The following MEGF10 variants were observed in gnomAD, a reference collection of about 807,000 sequenced individuals.
MEGF10 encodes the protein multiple EGF like domains 10.
Under a neutral mutation model 147.5 loss-of-function variants are expected in MEGF10, and 86 were observed. The ratio of observed to expected loss-of-function variants is 0.58; its 90% CI spans 0.49 to 0.70. The LOEUF (loss-of-function observed/expected upper bound fraction) is 0.70, where lower values mean the gene tolerates loss of function less well. Ranked by LOEUF, MEGF10 falls within the 30% of genes least tolerant of loss-of-function variation. The pLI is 0.00. For synonymous variants in MEGF10, 478 were observed against 525.5 expected (o/e 0.91, Z 1.24); for missense variants, 1,329 against 1,487.3 (o/e 0.89, Z 1.75).
chr5:127,380,953 C>T (rs1763234716), intron 5 of MEGF10, among the ~76,000 whole-genome samples: 1 of 152,094 alleles, frequency 6.6e-6, no homozygotes, highest in South Asian at 2.1e-4. Flanking sequence ...TCTCGGAGTT[C>T]TTCACCCTCA....
chr5:127,413,601 A>T (rs1580838060), intron 9 of MEGF10, among the ~76,000 whole-genome samples: 1 of 152,240 alleles, frequency 6.6e-6, no homozygotes, highest in Non-Finnish European at 1.5e-5. Flanking sequence ...CCATATGTGT[A>T]TAATCCTATT....
chr5:127,383,444 G>A (rs375761480), intron 5 of MEGF10, among the ~76,000 whole-genome samples: 19 of 151,836 alleles, frequency 1.3e-4, no homozygotes, highest in South Asian at 6.2e-4. Context: ...CTCCAGCCTC[G>A]GAGACAGAGT....
chr5:127,323,221 C>T (rs142022418), intron 1 of MEGF10, among the ~76,000 whole-genome samples: 383 of 152,240 alleles, frequency 2.5e-3, no homozygotes, highest in African/African-American at 8.8e-3. Context: ...ACCCAGTGAA[C>T]AGTCTGAAAT....
At chr5:127,368,746 G>A (rs1349344958) in intron 4 of MEGF10, among the ~76,000 whole-genome samples, 7 of 152,036 alleles carry the variant, frequency 4.6e-5, no homozygotes, top group Non-Finnish European at 7.4e-5. Flanking sequence ...GTGAGTGTGT[G>A]CACACGTGTG....
intron 1 of MEGF10, among the ~76,000 whole-genome samples, chr5:127,318,076 G>T (rs1363570999): frequency 6.6e-6 from 1 of 152,124 alleles, no homozygotes; most frequent in Admixed American, 6.6e-5. Flanking sequence ...TCAGTAATGG[G>T]ATCAGTAAAT....
intron 1 of MEGF10, among the ~76,000 whole-genome samples, chr5:127,318,696 C>T (rs1760666703): frequency 6.6e-6 from 1 of 152,074 alleles, no homozygotes; most frequent in Non-Finnish European, 1.5e-5. Context: ...AAAACACTGC[C>T]AATAAGCAGA....
At chr5:127,403,011 A>AGTC (rs1325897028) in intron 8 of MEGF10, among the ~76,000 whole-genome samples, 1 of 152,230 alleles carries the variant, frequency 6.6e-6, no homozygotes, top group Admixed American at 6.5e-5. Flanking sequence ...ACTTGGTGAT[A>AGTC]GATTTATTTT....
rs17165041 is a variant in MEGF10, at chr5:127,340,862, A to G, written c.319+232A>G. Among the ~76,000 whole-genome samples the G allele has an allele frequency of 0.084, 12,792 of 152,228 alleles. 642 individuals are homozygous for G. The highest frequency in any genetic ancestry group is 0.14 in the African/African-American group (5,859 of 41,526). ...TGCTTAAGGTGAAAACAGCTGTTAC[A>G]GAAAGATGATTCAAGGCCGGATGTG... is the stretch of plus-strand genomic sequence containing the variant. On this transcript the variant is annotated intron_variant, in intron 4 of 24. Transcript: ENST00000503335.
chr5:127,311,236 T>C (rs1220305445), intron 1 of MEGF10, among the ~76,000 whole-genome samples: 1 of 152,176 alleles, frequency 6.6e-6, no homozygotes, highest in African/African-American at 2.4e-5. Context: ...TGACTACACA[T>C]CCAAACACTA....
At chr5:127,361,591 T>C (rs1158990093) in intron 4 of MEGF10, among the ~76,000 whole-genome samples, 1 of 152,122 alleles carries the variant, frequency 6.6e-6, no homozygotes, top group African/African-American at 2.4e-5. Context: ...GATCTTTGTT[T>C]TCTAGTTTCT....
rs375982019 is a variant in MEGF10 at position 127,449,215 on chromosome 5, C to T, written c.2973C>T (p.Asn991=). Reference sequence around the variant, plus strand: ...ACTGGAAACATGGCGGCTACCTCAACGAGCTCGGTGAGTTCTCCCAACGCA... The same window carrying T: ...ACTGGAAACATGGCGGCTACCTCAATGAGCTCGGTGAGTTCTCCCAACGCA... ...PADWKHGGYL[N]ELGAFGLDRS... is the part of the protein sequence containing the mutation. The change falls in exon 22 of 25, where the codon AAC becomes AAT. Residue 991 remains asparagine (N), a synonymous_variant. Coordinates refer to ENST00000503335, the MANE Select transcript of MEGF10 (RefSeq NM_001256545.2). The T allele has an allele frequency of 6.2e-6, 10 of 1,613,196 alleles. No homozygotes were observed. Among genetic ancestry groups the T allele is most frequent in the Admixed American group, 1.7e-5 (1 of 59,952 alleles).
intron 13 of MEGF10, among the ~76,000 whole-genome samples, chr5:127,425,490 G>A (rs1765180841): frequency 6.6e-6 from 1 of 152,102 alleles, no homozygotes; most frequent in South Asian, 2.1e-4. Context: ...GCATCTGTCA[G>A]TATCTAAGCC....
At chr5:127,244,345 C>T in the MEGF10 span, among the ~76,000 whole-genome samples, 1 of 149,746 alleles carries the variant, frequency 6.7e-6, no homozygotes, top group East Asian at 1.9e-4. Flanking sequence ...AGCCTCCAGC[C>T]CAGGTGACAG....
At chr5:127,329,669 A>G (rs1464088085) in intron 1 of MEGF10, among the ~76,000 whole-genome samples, 1 of 152,200 alleles carries the variant, frequency 6.6e-6, no homozygotes. Context: ...GCTCCCACCC[A>G]GAAAATCACT....
rs1761308541 is a variant in MEGF10, at chr5:127,332,642, G to T, written c.116+1218G>T. 3.3e-5 allele frequency among the ~76,000 whole-genome samples: 5 copies of T among 152,068 alleles called. No individual in the cohort carries two copies. The South Asian group carries it at 1.0e-3, about 32-fold the overall frequency. ...ATTATGAAACTTTAAGCTGCAGAGA[G>T]AATATATGTATATAATAAAGTTCTA... On this transcript the variant is annotated intron_variant, in intron 2 of 24. Coordinates refer to ENST00000503335, the MANE Select transcript of MEGF10 (RefSeq NM_001256545.2).
At chr5:127,365,452 C>G (rs143738455) in intron 4 of MEGF10, among the ~76,000 whole-genome samples, 106 of 152,284 alleles carry the variant, frequency 7.0e-4, no homozygotes, top group African/African-American at 2.2e-3. Flanking sequence ...AGGTCCATGT[C>G]ATTGGTAATG....
At position 127,394,659 on chromosome 5, in the gene MEGF10, G is replaced by A. The variant is rs374708130; in HGVS notation, c.413-1873G>A. Among the ~76,000 whole-genome samples, 8 of 151,938 alleles carry A rather than the reference G, an allele frequency of 5.3e-5. No homozygotes were observed. The South Asian group carries it at 1.5e-3, about 28-fold the overall frequency. On this transcript the variant is annotated intron_variant, in intron 5 of 24. Transcript: ENST00000503335. Reference sequence around the variant, plus strand: ...GATCCTAGATTAAAAGAATTACAGTGGAAAAAAGACTCATTGTCCATATCC... The same window carrying A: ...GATCCTAGATTAAAAGAATTACAGTAGAAAAAAGACTCATTGTCCATATCC...
At chr5:127,374,733 G>GA (rs200414153) in intron 5 of MEGF10, among the ~76,000 whole-genome samples, 6 of 151,768 alleles carry the variant, frequency 4.0e-5, no homozygotes, top group Non-Finnish European at 8.8e-5. Flanking sequence ...AAACAGAAAG[G>GA]AAAAAAAGAA....
chr5:127,442,882 C>G, intron 18 of MEGF10, 116 bp from the exon 19 acceptor site: 1 of 1,085,576 alleles, frequency 9.2e-7, no homozygotes, highest in Admixed American at 2.3e-5. Flanking sequence ...TACAAGTCAG[C>G]CTCAATAGGA....
Sources: gnomAD v4.1 joint callset for allele counts (sites outside exome capture counted in the v4.1 genomes callset) on GRCh38, gnomAD v4.1.1 for gene constraint, MANE v1.5 for transcripts, NCBI Gene and HGNC (gene_info 2026-07-23, HGNC 2026-07-21) for gene names.